Variants in DOCK3 observed in about 807,000 individuals in gnomAD.
DOCK3 encodes the protein dedicator of cytokinesis protein 3.
Under a neutral mutation model 265.6 loss-of-function variants are expected in DOCK3, and 60 were observed. The observed-to-expected ratio is 0.23, with a 90% CI of 0.18 to 0.28. The LOEUF (loss-of-function observed/expected upper bound fraction) is 0.28. Among genes scored for constraint, DOCK3 ranks in the 10% least tolerant of loss-of-function variants. The pLI, the probability that DOCK3 is intolerant of heterozygous loss-of-function variation, is 1.00. For missense variants in DOCK3, 1,981 were observed against 2,594.3 expected, an observed-to-expected ratio of 0.76 and a Z score of 5.14; for synonymous variants, 881 against 938.0, an observed-to-expected ratio of 0.94 and a Z score of 1.11.
intron 22 of DOCK3, among the ~76,000 whole-genome samples, chr3:51,254,776 G>T (rs2079454305): frequency 6.6e-6 from 1 of 152,116 alleles, no homozygotes; most frequent in African/African-American, 2.4e-5. Flanking sequence ...CATGTGAGAT[G>T]GTTCTCCTTA....
At chr3:50,984,215 G>T (rs1363563355) in intron 5 of DOCK3, among the ~76,000 whole-genome samples, 1 of 152,210 alleles carries the variant, frequency 6.6e-6, no homozygotes, top group Admixed American at 6.5e-5. Context: ...CTCGAGCAAA[G>T]GTGCCACTGG....
At chr3:51,352,978 C>T (rs2086104919) in intron 40 of DOCK3, among the ~76,000 whole-genome samples, 1 of 152,204 alleles carries the variant, frequency 6.6e-6, no homozygotes, top group South Asian at 2.1e-4. Flanking sequence ...AGCTTGGTTT[C>T]TCTGGGCCAT....
At chr3:51,153,911 A>G (rs1031648188) in intron 10 of DOCK3, among the ~76,000 whole-genome samples, 1 of 152,202 alleles carries the variant, frequency 6.6e-6, no homozygotes. Flanking sequence ...ACAATTTTCA[A>G]CCAGTTTTGA....
chr3:51,048,985 A>G (rs766765273), intron 5 of DOCK3, among the ~76,000 whole-genome samples: 1 of 152,168 alleles, frequency 6.6e-6, no homozygotes, highest in Non-Finnish European at 1.5e-5. Flanking sequence ...GCAACAACAA[A>G]CAGTAGCAGG....
intron 12 of DOCK3, among the ~76,000 whole-genome samples, chr3:51,183,791 A>G (rs1377383745): frequency 2.0e-5 from 3 of 152,242 alleles, no homozygotes; most frequent in Non-Finnish European, 2.9e-5. Context: ...AATGCCTCAC[A>G]CAGCAGTGGG....
Position 51,228,950 on chromosome 3 carries a change from T to G in DOCK3, c.1819+118T>G, listed in dbSNP as rs2090439801. On this transcript the variant is annotated intron_variant, in intron 18 of 52. Coordinates refer to ENST00000266037, the MANE Select transcript of DOCK3 (RefSeq NM_004947.5). ...CCTTCTTGATGCCATAATAATGGGC[T>G]TCTTTTCATTTGAAGTTGAAGCGAT... 3.9e-6 allele frequency: 5 copies of G among 1,284,656 alleles called. No individual in the cohort carries two copies. The East Asian group carries it at 1.2e-4, about 32-fold the overall frequency. The allele number at this position is 1,284,656 out of a possible 1,614,324, so 79.6% of individuals were successfully genotyped here.
chr3:51,332,815 C>T (rs1414711826), intron 33 of DOCK3, among the ~76,000 whole-genome samples, 186 bp from the exon 34 acceptor site: 1 of 152,234 alleles, frequency 6.6e-6, no homozygotes, highest in African/African-American at 2.4e-5. Context: ...CAGACCTCAA[C>T]TACTCCTTTA....
At chr3:50,769,518 C>T (rs907841716) in intron 1 of DOCK3, among the ~76,000 whole-genome samples, 1 of 151,994 alleles carries the variant, frequency 6.6e-6, no homozygotes, top group African/African-American at 2.4e-5. Context: ...CAACACAGTA[C>T]TAGAAGTCTT....
At chr3:51,089,351 T>G (rs1186340279) in intron 8 of DOCK3, 67 bp downstream of exon 8, 6 of 1,531,464 alleles carry the variant, frequency 3.9e-6, no homozygotes, top group Non-Finnish European at 5.3e-6. Flanking sequence ...TTACAACATA[T>G]GAATACACCA....
At chr3:50,686,344 C>T (rs781618991) in intron 1 of DOCK3, among the ~76,000 whole-genome samples, 20 of 152,170 alleles carry the variant, frequency 1.3e-4, no homozygotes, top group Non-Finnish European at 2.6e-4. Flanking sequence ...CAGGATATTC[C>T]GCCTTGACTC....
intron 5 of DOCK3, among the ~76,000 whole-genome samples, chr3:51,042,346 C>G (rs1026925450): frequency 1.3e-5 from 2 of 152,150 alleles, no homozygotes; most frequent in Non-Finnish European, 2.9e-5. Context: ...ATAATTATCT[C>G]AATAGATGCA....
chr3:51,082,427 T>TA (rs2082274532), intron 7 of DOCK3, among the ~76,000 whole-genome samples: 1 of 152,120 alleles, frequency 6.6e-6, no homozygotes, highest in Non-Finnish European at 1.5e-5. Flanking sequence ...CACAGTGACT[T>TA]ATACCCTGGG....
At chr3:51,124,286 C>G (rs1284527518) in intron 9 of DOCK3, among the ~76,000 whole-genome samples, 2 of 152,202 alleles carry the variant, frequency 1.3e-5, no homozygotes, top group African/African-American at 4.8e-5. Context: ...CTCACAGACC[C>G]TGCAGGGCTA....
At chr3:51,134,211 T>C (rs748436476) in intron 9 of DOCK3, among the ~76,000 whole-genome samples, 5 of 152,290 alleles carry the variant, frequency 3.3e-5, no homozygotes, top group Admixed American at 2.6e-4. Flanking sequence ...TCCCTGTCTT[T>C]GCTATTGTGA....
At chr3:50,784,767 A>G (rs1002437637) in intron 2 of DOCK3, among the ~76,000 whole-genome samples, 18 of 152,144 alleles carry the variant, frequency 1.2e-4, no homozygotes, top group African/African-American at 4.3e-4. Context: ...ATTTTATTTT[A>G]TTTGCAGCTA....
At chr3:51,165,284 C>G (rs2086340119) in intron 12 of DOCK3, among the ~76,000 whole-genome samples, 2 of 152,162 alleles carry the variant, frequency 1.3e-5, no homozygotes. Context: ...ATTGGGCCAT[C>G]CTCTTTTTAT....
At chr3:51,060,928 A>C (rs1384437231) in intron 5 of DOCK3, among the ~76,000 whole-genome samples, 1 of 152,258 alleles carries the variant, frequency 6.6e-6, no homozygotes, top group Non-Finnish European at 1.5e-5. Flanking sequence ...TCTCAAAAGA[A>C]GACATTTATG....
At chr3:51,009,402 T>C (rs1429292272) in intron 5 of DOCK3, among the ~76,000 whole-genome samples, 1 of 152,160 alleles carries the variant, frequency 6.6e-6, no homozygotes, top group African/African-American at 2.4e-5. Context: ...AGTTTATTTT[T>C]ATAGAGGTGT....
chr3:51,355,651 CTT>C (rs932801304), intron 41 of DOCK3, among the ~76,000 whole-genome samples: 3 of 152,144 alleles, frequency 2.0e-5, no homozygotes, highest in African/African-American at 7.2e-5. Context: ...CAAGTGGACT[CTT>C]ATCTGCTTTT....
Sources: allele counts gnomAD v4.1 joint callset (sites outside exome capture counted in the v4.1 genomes callset), GRCh38; gene constraint gnomAD v4.1.1; transcripts MANE v1.5; gene names NCBI Gene and HGNC (gene_info 2026-07-23, HGNC 2026-07-21).